ANXA4: variants seen among roughly 807,000 people sequenced by gnomAD.
ANXA4 encodes the protein annexin A4.
ANXA4 carries 39 observed loss-of-function variants against 49.8 expected under a neutral mutation model. That is an observed-to-expected ratio of 0.78 (90% CI 0.61 to 1.02). The LOEUF is 1.02. ANXA4 is among the 50% of genes least tolerant of loss of function. ANXA4 has a pLI of 0.00. For missense variants in ANXA4, 360 were observed against 410.1 expected, an observed-to-expected ratio of 0.88 and a Z score of 1.05; for synonymous variants, 134 against 152.5, an observed-to-expected ratio of 0.88 and a Z score of 0.89.
intron 9 of ANXA4, chr2:69,817,660 C>T (rs1157281381): frequency 6.6e-6 from 1 of 152,136 alleles, no homozygotes; most frequent in East Asian, 1.9e-4. Context: ...TTCTGGGGGT[C>T]TCAGTAGAAG....
At position 69,824,576 on chromosome 2, in the gene ANXA4, G is replaced by A. The variant is rs1249473200; in HGVS notation, c.907-880G>A. On this transcript the variant is annotated intron_variant, in intron 12 of 12. Transcript: ENST00000394295. ...TTCCCATTTTATGAAAATTTATCCA[G>A]AATAAATCATTAAGAAAATATACAA... is the stretch of plus-strand genomic sequence containing the variant. Among the ~76,000 whole-genome samples, 4 of 149,474 alleles carry A rather than the reference G, an allele frequency of 2.7e-5. No individual in the cohort carries two copies. The East Asian group carries it at 7.8e-4, about 29-fold the overall frequency.
intron 1 of ANXA4, among the ~76,000 whole-genome samples, chr2:69,767,905 C>T (rs1671556250): frequency 1.3e-5 from 2 of 152,078 alleles, no homozygotes; most frequent in East Asian, 3.9e-4. Flanking sequence ...CCTAATTATA[C>T]GCATATGTAC....
chr2:69,815,883 A>G (rs1440268145), intron 8 of ANXA4: 1 of 527,248 alleles, frequency 1.9e-6, no homozygotes, highest in Non-Finnish European at 3.4e-6. Context: ...GGGAACTGCT[A>G]GTGTTTGCCC....
chr2:69,662,468 G>T (rs1676757453), intron 2 of ANXA4, among the ~76,000 whole-genome samples: 1 of 151,986 alleles, frequency 6.6e-6, no homozygotes, highest in Admixed American at 6.6e-5. Flanking sequence ...CAAAGAATTT[G>T]CAGCCATCTT....
At chr2:69,671,471 C>T (rs886268863) in intron 2 of ANXA4, among the ~76,000 whole-genome samples, 18 of 152,196 alleles carry the variant, frequency 1.2e-4, no homozygotes, top group Admixed American at 2.6e-4. Flanking sequence ...AATCCCAGCA[C>T]TTTGGGAGGC....
Position 69,768,434 on chromosome 2 carries a change from C to T in ANXA4, c.-46-13086C>T, listed in dbSNP as rs113944271. 6.7e-3 allele frequency among the ~76,000 whole-genome samples: 1,027 copies of T among 152,200 alleles called. 12 individuals carry two copies. The highest frequency in any genetic ancestry group is 0.024 in the African/African-American group (976 of 41,504). Reference sequence around the variant, plus strand: ...CTGGGAGAGGACCATTGAGAAAGGTCGTAAAGTCTTTACAGCAGGAAGTTC... The same window carrying T: ...CTGGGAGAGGACCATTGAGAAAGGTTGTAAAGTCTTTACAGCAGGAAGTTC... On this transcript the variant is annotated intron_variant, in intron 1 of 12. Transcript: ENST00000394295.
chr2:69,766,557 T>C (rs1671500983), intron 1 of ANXA4, among the ~76,000 whole-genome samples: 1 of 152,142 alleles, frequency 6.6e-6, no homozygotes, highest in African/African-American at 2.4e-5. Context: ...AGAGGAAGGA[T>C]GGGGTGGTCA....
At chr2:69,741,131 T>A (rs928597033), upstream of ANXA4, among the ~76,000 whole-genome samples, 6 of 152,254 alleles carry the variant, frequency 3.9e-5, no homozygotes, top group African/African-American at 1.4e-4. Flanking sequence ...AATTTAATGT[T>A]ACCTCTCCAG....
intron 2 of ANXA4, among the ~76,000 whole-genome samples, chr2:69,707,798 C>G (rs946938194): frequency 4.6e-5 from 7 of 152,330 alleles, no homozygotes; most frequent in African/African-American, 1.4e-4. Flanking sequence ...TATAATCACT[C>G]TGTCATGCTA....
intron 9 of ANXA4, chr2:69,817,124 A>G (rs1674029559): frequency 6.6e-6 from 1 of 152,216 alleles, no homozygotes; most frequent in Admixed American, 6.5e-5. Context: ...AATAACAGGA[A>G]TCTCCCCCTG....
chr2:69,684,488 G>A (rs1183187363), intron 2 of ANXA4, among the ~76,000 whole-genome samples: 1 of 151,828 alleles, frequency 6.6e-6, no homozygotes, highest in Non-Finnish European at 1.5e-5. Flanking sequence ...TATAAGATGA[G>A]CCTAGGCAAC....
At chr2:69,804,158 A>AAT (rs1491582211) in intron 3 of ANXA4, among the ~76,000 whole-genome samples, 1 of 145,904 alleles carries the variant, frequency 6.9e-6, no homozygotes, top group East Asian at 2.1e-4. Flanking sequence ...AAAAAAAAAA[A>AAT]ATATTCTAGA....
chr2:69,819,333 A>G lies in ANXA4; in HGVS notation c.778A>G (p.Met260Val), dbSNP rs747787861. ...TTTTGCTGAAAAGCTCTATAAATCG[A>G]TGAAGGTAAATGGCCTTATTTTCAG... is the stretch of plus-strand genomic sequence containing the variant. ...AYFAEKLYKS[M>V]KGLGTDDNTL... Residue 260 changes from methionine (M) to valine (V), a missense_variant, in exon 11 of 13, where the codon ATG becomes GTG. Transcript: ENST00000394295. 3 of 1,605,318 alleles carry G rather than the reference A, an allele frequency of 1.9e-6. 1 individual carries two copies. Among genetic ancestry groups the G allele is most frequent in the Non-Finnish European group, 2.6e-6 (3 of 1,174,172 alleles).
At chr2:69,799,568 C>A (rs984247330) in intron 3 of ANXA4, among the ~76,000 whole-genome samples, 3 of 152,062 alleles carry the variant, frequency 2.0e-5, no homozygotes, top group African/African-American at 7.2e-5. Context: ...CTCACTTTAC[C>A]CTAAATGTCT....
intron 3 of ANXA4, among the ~76,000 whole-genome samples, chr2:69,790,757 T>G (rs1414735729): frequency 6.6e-6 from 1 of 152,214 alleles, no homozygotes; most frequent in Non-Finnish European, 1.5e-5. Context: ...CTTTCTGTTT[T>G]CTCTGAGCTG....
chr2:69,648,853 G>T (rs1181504696), intron 1 of ANXA4, among the ~76,000 whole-genome samples: 2 of 135,884 alleles, frequency 1.5e-5, no homozygotes, highest in Admixed American at 7.5e-5. Context: ...GACGTTTCTT[G>T]ATTTTTTTAA....
chr2:69,690,832 A>G (rs983794818), intron 2 of ANXA4, among the ~76,000 whole-genome samples: 1 of 152,204 alleles, frequency 6.6e-6, no homozygotes, highest in African/African-American at 2.4e-5. Flanking sequence ...CCAGGGCATC[A>G]CCGGTTGCTC....
At chr2:69,673,019 A>T (rs1483635390) in intron 2 of ANXA4, among the ~76,000 whole-genome samples, 1 of 152,168 alleles carries the variant, frequency 6.6e-6, no homozygotes, top group Non-Finnish European at 1.5e-5. Flanking sequence ...GGAACAACAG[A>T]TGCTGGAGAG....
intron 8 of ANXA4, among the ~76,000 whole-genome samples, chr2:69,814,263 T>C (rs1673852537): frequency 6.6e-6 from 1 of 151,144 alleles, no homozygotes; most frequent in Non-Finnish European, 1.5e-5. Flanking sequence ...AGCATTCCAA[T>C]AGAAACAATG....
Sources: allele counts gnomAD v4.1 joint callset (sites outside exome capture counted in the v4.1 genomes callset), GRCh38; gene constraint gnomAD v4.1.1; transcripts MANE v1.5; gene names NCBI Gene and HGNC (gene_info 2026-07-23, HGNC 2026-07-21).